ARID1B: variants seen among roughly 807,000 people sequenced by gnomAD.
The protein encoded by ARID1B is AT-rich interaction domain 1B, also known as AT-rich interactive domain-containing protein 1B.
ARID1B carries 30 observed loss-of-function variants against 212.3 expected under a neutral mutation model. That is an observed-to-expected ratio of 0.14 (90% CI 0.11 to 0.19). The LOEUF (loss-of-function observed/expected upper bound fraction) is 0.19, where lower values mean the gene tolerates loss of function less well. Among genes scored for constraint, ARID1B ranks in the 10% least tolerant of loss-of-function variants. The pLI, the probability that ARID1B is intolerant of heterozygous loss-of-function variation, is 1.00. For missense variants in ARID1B, 2,891 were observed against 3,204.0 expected (o/e 0.90, Z 2.36); for synonymous variants, 1,402 against 1,301.7 (o/e 1.08, Z -1.66).
chr6:156,909,123 C>CTTTTTTTTTTTTTTTTTTTTTTT (rs60183999), intron 3 of ARID1B, among the ~76,000 whole-genome samples: 1 of 108,822 alleles, frequency 9.2e-6, no homozygotes, highest in Non-Finnish European at 1.8e-5. Flanking sequence ...TTTTCTTTCT[C>CTTTTTTTTTTTTTTTTTTTTTTT]TTTTTTTTTT....
At chr6:157,054,454 A>C in intron 4 of ARID1B, among the ~76,000 whole-genome samples, 1 of 152,340 alleles carries the variant, frequency 6.6e-6, no homozygotes, top group East Asian at 1.9e-4. Flanking sequence ...TTATTTTATA[A>C]TAAACATGTA....
At chr6:157,198,777 C>A (rs1793913815) in intron 16 of ARID1B, 34 bp from the exon 17 acceptor site, 1 of 1,543,990 alleles carries the variant, frequency 6.5e-7, no homozygotes, top group Non-Finnish European at 8.9e-7. Flanking sequence ...GAAGCTTTTT[C>A]TCAGTTAAGT....
At chr6:156,907,877 C>A (rs952720694) in intron 3 of ARID1B, among the ~76,000 whole-genome samples, 7 of 144,742 alleles carry the variant, frequency 4.8e-5, no homozygotes, top group African/African-American at 1.8e-4. Context: ...CACTGCACTG[C>A]AGCCTGGGCG....
chr6:157,183,705 C>T (rs929642402), intron 12 of ARID1B, among the ~76,000 whole-genome samples: 1 of 152,188 alleles, frequency 6.6e-6, no homozygotes, highest in African/African-American at 2.4e-5. Flanking sequence ...CCAGTGGCAT[C>T]GCATCATGCT....
At position 157,084,709 on chromosome 6, in the gene ARID1B, T is replaced by G; in HGVS notation, c.2295T>G (p.Thr765=). Residue 765 remains threonine, a synonymous_variant, in exon 5 of 20, where the codon ACT becomes ACG. Transcript: ENST00000636930. ...IDDLPTGTEA[T]LSSAVSASGS... is the part of the protein sequence containing the mutation. ...ACCTCCCCACGGGAACGGAAGCAAC[T>G]TTGAGCTCAGCAGTCAGTGCATCCG... The G allele has an allele frequency of 2.5e-6, 4 of 1,614,164 alleles. No homozygotes were observed. Among genetic ancestry groups the G allele is most frequent in the Non-Finnish European group, 3.4e-6 (4 of 1,180,028 alleles).
At chr6:157,054,217 C>T (rs977045175) in intron 4 of ARID1B, among the ~76,000 whole-genome samples, 1 of 80,324 alleles carries the variant, frequency 1.2e-5, no homozygotes, top group African/African-American at 4.1e-5. Flanking sequence ...GAGCAAGACT[C>T]TGTCTCAAAA....
rs151159039 is a variant in ARID1B, at chr6:157,015,780, C to T, written c.2248-68882C>T. ...CACTTCACTGCTTTCATTCCTGGCA[C>T]GATAGTAAAATTGTAGATGTTCTCC... On this transcript the variant is annotated intron_variant, in intron 4 of 19. Coordinates refer to ENST00000636930, the MANE Select transcript of ARID1B (RefSeq NM_001374828.1). 1.1e-4 allele frequency among the ~76,000 whole-genome samples: 17 copies of T among 152,272 alleles called. No homozygotes were observed. In the East Asian group the frequency reaches 2.1e-3, roughly 19 times the overall value.
At chr6:157,083,303 C>G (rs1784748742) in intron 4 of ARID1B, among the ~76,000 whole-genome samples, 1 of 152,210 alleles carries the variant, frequency 6.6e-6, no homozygotes, top group African/African-American at 2.4e-5. Flanking sequence ...AGTATGTAGT[C>G]TTCAGTTATC....
chr6:156,834,551 T>C (rs1181349562), intron 2 of ARID1B, among the ~76,000 whole-genome samples: 1 of 152,234 alleles, frequency 6.6e-6, no homozygotes, highest in Non-Finnish European at 1.5e-5. Context: ...ATGTTAAACA[T>C]ATTTGTAGAT....
chr6:156,940,339 C>A (rs6901717), intron 4 of ARID1B: 7 of 152,006 alleles, frequency 4.6e-5, no homozygotes, highest in African/African-American at 1.7e-4. Context: ...GGCATGAAAA[C>A]GGTTTGATCT....
intron 2 of ARID1B, among the ~76,000 whole-genome samples, chr6:156,835,592 C>T (rs1260707068): frequency 6.6e-6 from 1 of 152,100 alleles, no homozygotes; most frequent in Non-Finnish European, 1.5e-5. Context: ...AGCTTATATA[C>T]AGTATATAGC....
At chr6:157,103,027 A>G (rs1786183437) in intron 5 of ARID1B, among the ~76,000 whole-genome samples, 1 of 152,146 alleles carries the variant, frequency 6.6e-6, no homozygotes, top group South Asian at 2.1e-4. Context: ...TTGTTTTCAT[A>G]TTGTCTGTGG....
chr6:156,797,819 A>G (rs918889951), intron 1 of ARID1B, among the ~76,000 whole-genome samples: 1 of 152,212 alleles, frequency 6.6e-6, no homozygotes, highest in African/African-American at 2.4e-5. Context: ...TGCCCTGCGG[A>G]GCACGTGCCT....
intron 2 of ARID1B, among the ~76,000 whole-genome samples, chr6:156,859,399 G>A (rs1451485780): frequency 2.0e-5 from 3 of 152,194 alleles, no homozygotes; most frequent in Non-Finnish European, 4.4e-5. Flanking sequence ...ACTGGTGCCA[G>A]TGCCATTAGG....
intron 2 of ARID1B, among the ~76,000 whole-genome samples, chr6:156,893,060 T>TTTTTTTTTTTTTTTTTTTTTTTTTTG (rs1268821728): frequency 2.9e-5 from 4 of 137,700 alleles, no homozygotes; most frequent in Admixed American, 7.3e-5. Context: ...TTTTTTTTTT[T>TTTTTTTTTTTTTTTTTTTTTTTTTTG]GAGATGGAGT....
Position 156,849,101 on chromosome 6 carries a change from T to C in ARID1B, c.1986+19680T>C, listed in dbSNP as rs574580412. ...ATTTGGGGACATTTAGTCTTCATTT[T>C]TGGTCTTCTGTGTCCAGTGGCATTT... On this transcript the variant is annotated intron_variant, in intron 2 of 19. Coordinates refer to ENST00000636930, the MANE Select transcript of ARID1B (RefSeq NM_001374828.1). 1.1e-4 allele frequency among the ~76,000 whole-genome samples: 16 copies of C among 152,342 alleles called. No homozygotes were observed. The East Asian group carries it at 2.1e-3, about 20-fold the overall frequency.
At position 157,198,801 on chromosome 6, in the gene ARID1B, C is replaced by G. The variant is rs1474688228; in HGVS notation, c.4383-10C>G. On this transcript the variant is annotated splice_polypyrimidine_tract_variant and intron_variant, in intron 16 of 19. Transcript: ENST00000636930. Reference sequence around the variant, plus strand: ...TCTCAGTTAAGTTTTCTTTGAATGCCTCATTCCAGGCATGAACCTTATGGG... The same window carrying G: ...TCTCAGTTAAGTTTTCTTTGAATGCGTCATTCCAGGCATGAACCTTATGGG... 11 of 1,604,108 alleles carry G rather than the reference C, an allele frequency of 6.9e-6. No homozygotes were observed. In the African/African-American group the frequency reaches 9.3e-5, roughly 14 times the overall value.
At chr6:156,961,038 T>C (rs1044961482) in intron 4 of ARID1B, among the ~76,000 whole-genome samples, 3 of 152,162 alleles carry the variant, frequency 2.0e-5, no homozygotes, top group Admixed American at 6.5e-5. Flanking sequence ...ATTTATGTGT[T>C]CCCACAGAAA....
chr6:157,061,493 G>C (rs996665113), intron 4 of ARID1B, among the ~76,000 whole-genome samples: 2 of 152,016 alleles, frequency 1.3e-5, no homozygotes, highest in Admixed American at 1.3e-4. Context: ...TCGCAGTTGT[G>C]GGGAGGAGTT....
Sources: allele counts gnomAD v4.1 joint callset (sites outside exome capture counted in the v4.1 genomes callset), GRCh38; gene constraint gnomAD v4.1.1; transcripts MANE v1.5; gene names NCBI Gene and HGNC (gene_info 2026-07-23, HGNC 2026-07-21).